TNRC6A: variants seen among roughly 807,000 people sequenced by gnomAD.
TNRC6A encodes the protein trinucleotide repeat containing adaptor 6A, also known as trinucleotide repeat-containing gene 6A protein.
TNRC6A carries 44 observed loss-of-function variants against 221.2 expected under a neutral mutation model. The observed-to-expected ratio is 0.20, with a 90% confidence interval of 0.16 to 0.26. The LOEUF is 0.26. Ranked by LOEUF, TNRC6A falls within the 10% of genes least tolerant of loss-of-function variation. The probability of loss-of-function intolerance (pLI) is 1.00; values close to 1 mark genes in which losing one functional copy is unlikely to be tolerated. For missense variants in TNRC6A, 2,199 were observed against 2,404.4 expected (o/e 0.91, Z 1.79); for synonymous variants, 847 against 838.5 (o/e 1.01, Z -0.18).
chr16:24,760,826 G>A (rs11862527), intron 4 of TNRC6A, among the ~76,000 whole-genome samples: 10,279 of 152,166 alleles, frequency 0.068, 858 homozygotes, highest in East Asian at 0.36. Context: ...CCGATTATTA[G>A]CATCTTACAT....
At chr16:24,720,388 T>C (rs945737351) in intron 2 of TNRC6A, among the ~76,000 whole-genome samples, 5 of 151,088 alleles carry the variant, frequency 3.3e-5, no homozygotes, top group Non-Finnish European at 7.4e-5. Flanking sequence ...CTAGACCTTG[T>C]CTCAAAAAAA....
intron 17 of TNRC6A, 73 bp from the exon 18 acceptor site, chr16:24,809,277 A>T: frequency 7.6e-7 from 1 of 1,323,276 alleles, no homozygotes; most frequent in Non-Finnish European, 1.0e-6. Flanking sequence ...TTTTCTAGGA[A>T]ATAGAAGTTG....
chr16:24,651,122 C>T (rs997290889), intron 2 of TNRC6A, among the ~76,000 whole-genome samples: 8 of 151,248 alleles, frequency 5.3e-5, no homozygotes, highest in African/African-American at 1.9e-4. Flanking sequence ...AGATGTTTCC[C>T]GCAACATTGT....
chr16:24,786,340 T>G lies in TNRC6A; in HGVS notation c.590-2892T>G, dbSNP rs556124677. ...GTTTTGTTTTGTTTTGTTTTGTTTT[T>G]TTTGAGACGGAGTCTTGCTTTGTTG... On this transcript the variant is annotated intron_variant, in intron 5 of 24. Coordinates refer to ENST00000395799, the MANE Select transcript of TNRC6A (RefSeq NM_014494.4). Among the ~76,000 whole-genome samples the G allele has an allele frequency of 4.0e-4, 61 of 151,490 alleles. 1 individual carries two copies. The highest frequency in any genetic ancestry group is 8.3e-4 in the South Asian group (4 of 4,802).
intron 2 of TNRC6A, among the ~76,000 whole-genome samples, chr16:24,660,295 G>A (rs1229770584): frequency 6.6e-6 from 1 of 151,932 alleles, no homozygotes; most frequent in Non-Finnish European, 1.5e-5. Context: ...CATCCTCATA[G>A]CTTAGCTCCC....
chr16:24,643,350 C>T (rs926874115), intron 2 of TNRC6A, among the ~76,000 whole-genome samples: 10 of 151,570 alleles, frequency 6.6e-5, no homozygotes, highest in African/African-American at 1.5e-4. Flanking sequence ...CTTTAATTAA[C>T]CCAGGTATTC....
chr16:24,792,247 C>T (rs1596733555), intron 6 of TNRC6A, among the ~76,000 whole-genome samples: 2 of 151,902 alleles, frequency 1.3e-5, no homozygotes, highest in East Asian at 3.9e-4. Flanking sequence ...GGTGAGAAAT[C>T]CAACTCTACT....
At position 24,758,368 on chromosome 16, in the gene TNRC6A, G is replaced by A. The variant is rs1255977158; in HGVS notation, c.163+8G>A. 1 of 1,609,810 alleles carries A rather than the reference G, an allele frequency of 6.2e-7. No homozygotes were observed. The highest frequency in any genetic ancestry group is 8.5e-7 in the Non-Finnish European group (1 of 1,177,070). On this transcript the variant is annotated splice_region_variant and intron_variant, in intron 4 of 24. Transcript: ENST00000395799. ...CTGAACAAAAAATCAAAGGTACGTT[G>A]TTTAAAGCTATTTTTTATCCCTTTT...
intron 4 of TNRC6A, among the ~76,000 whole-genome samples, chr16:24,771,577 TTA>T (rs1491189388): frequency 4.1e-4 from 42 of 101,768 alleles, no homozygotes; most frequent in East Asian, 3.1e-3. Flanking sequence ...TTATGTTATG[TTA>T]TGTTGTTATG....
intron 9 of TNRC6A, chr16:24,796,272 T>TC (rs1332152213): frequency 3.6e-6 from 1 of 274,068 alleles, no homozygotes; most frequent in African/African-American, 2.2e-5. Context: ...TGTAGTGTCT[T>TC]CAGTAGCATG....
rs777778748 is a variant in TNRC6A, at chr16:24,820,246, C to G, written c.5188C>G (p.Pro1730Ala). 3.9e-5 allele frequency: 63 copies of G among 1,614,004 alleles called. No individual in the cohort carries two copies. Among genetic ancestry groups the G allele is most frequent in the Non-Finnish European group, 4.7e-5 (56 of 1,180,036 alleles). ...VPLPPKNITA[P>A]SRPPPGLTGQ... Reference sequence around the variant, plus strand: ...TTTGCCACCTAAAAACATCACTGCTCCGTCCCGCCCACCTCCGGGACTGAC... The same window carrying G: ...TTTGCCACCTAAAAACATCACTGCTGCGTCCCGCCCACCTCCGGGACTGAC... The change falls in exon 22 of 25, where the codon CCG becomes GCG. Residue 1730 changes from proline to alanine, a missense_variant. Transcript: ENST00000395799.
chr16:24,660,764 C>T (rs539653975), intron 2 of TNRC6A, among the ~76,000 whole-genome samples: 10 of 95,228 alleles, frequency 1.1e-4, no homozygotes, highest in African/African-American at 3.2e-4. Flanking sequence ...TTTTTTGAGA[C>T]GGAGTCTCGC....
At chr16:24,762,344 A>G (rs1010772658) in intron 4 of TNRC6A, among the ~76,000 whole-genome samples, 3 of 152,246 alleles carry the variant, frequency 2.0e-5, no homozygotes, top group Non-Finnish European at 4.4e-5. Context: ...AGTCAGCTGC[A>G]TGTCAAATCA....
intron 1 of TNRC6A, among the ~76,000 whole-genome samples, chr16:24,620,747 G>A (rs535265746): frequency 1.3e-5 from 2 of 152,170 alleles, no homozygotes; most frequent in Non-Finnish European, 2.9e-5. Flanking sequence ...GGCAGATGTT[G>A]CAGTGAGCCG....
At chr16:24,673,714 C>T (rs2049380478) in intron 2 of TNRC6A, among the ~76,000 whole-genome samples, 1 of 152,196 alleles carries the variant, frequency 6.6e-6, no homozygotes, top group African/African-American at 2.4e-5. Flanking sequence ...GCCTACGCCA[C>T]TGTGCCCAGC....
At chr16:24,684,368 C>T (rs936511199) in intron 2 of TNRC6A, among the ~76,000 whole-genome samples, 22 of 151,900 alleles carry the variant, frequency 1.4e-4, no homozygotes, top group African/African-American at 4.6e-4. Context: ...ATCGAGCCAC[C>T]GCATTCCAGC....
At chr16:24,785,545 T>C (rs73551532) in intron 5 of TNRC6A, among the ~76,000 whole-genome samples, 10,335 of 152,306 alleles carry the variant, frequency 0.068, 863 homozygotes, top group East Asian at 0.36. Flanking sequence ...TGTTTTTTCA[T>C]GTTGATCTTT....
chr16:24,621,825 C>A (rs922455893), intron 1 of TNRC6A, among the ~76,000 whole-genome samples: 2 of 152,056 alleles, frequency 1.3e-5, no homozygotes. Flanking sequence ...ACAAACACTG[C>A]GACTCGGAAG....
chr16:24,820,850 A>T (rs1431756525), intron 22 of TNRC6A, among the ~76,000 whole-genome samples: 1 of 152,150 alleles, frequency 6.6e-6, no homozygotes, highest in Non-Finnish European at 1.5e-5. Flanking sequence ...AATGACTAAC[A>T]TTGGATTTGT....
Sources: gnomAD v4.1 joint callset for allele counts (sites outside exome capture counted in the v4.1 genomes callset) on GRCh38, gnomAD v4.1.1 for gene constraint, MANE v1.5 for transcripts, NCBI Gene and HGNC (gene_info 2026-07-23, HGNC 2026-07-21) for gene names.